The following CACNA1B variants were observed in gnomAD, a reference collection of about 807,000 sequenced individuals.
CACNA1B encodes calcium voltage-gated channel subunit alpha1 B, also known as voltage-dependent N-type calcium channel subunit alpha-1B.
In CACNA1B, 70 loss-of-function variants were observed where a neutral mutation model predicts 247.2. That is an observed-to-expected ratio of 0.28 (90% CI 0.23 to 0.35). CACNA1B has a LOEUF of 0.35. Ranked by LOEUF, CACNA1B falls within the 10% of genes least tolerant of loss-of-function variation. CACNA1B has a pLI of 1.00. For missense variants in CACNA1B, 2,367 were observed against 3,197.4 expected, an observed-to-expected ratio of 0.74 and a Z score of 6.26; for synonymous variants, 1,231 against 1,294.4, an observed-to-expected ratio of 0.95 and a Z score of 1.05.
chr9:137,965,334 C>T (rs938639459), intron 10 of CACNA1B, among the ~76,000 whole-genome samples: 4 of 152,232 alleles, frequency 2.6e-5, no homozygotes, highest in African/African-American at 9.6e-5. Context: ...CCTGCCCTGC[C>T]CCTCCTGTGT....
chr9:138,075,762 C>G (rs560816912), intron 34 of CACNA1B, 57 bp from the exon 35 acceptor site: 1 of 1,164,616 alleles, frequency 8.6e-7, no homozygotes, highest in Non-Finnish European at 1.3e-6. Flanking sequence ...CTCGGTCCAC[C>G]TGGCGCGGCT....
At chr9:137,941,641 T>C (rs1957733048) in intron 6 of CACNA1B, among the ~76,000 whole-genome samples, 1 of 152,144 alleles carries the variant, frequency 6.6e-6, no homozygotes, top group Non-Finnish European at 1.5e-5. Context: ...ATGGTACTGG[T>C]ATAAAAATAG....
At chr9:137,944,179 A>G (rs767252228) in intron 6 of CACNA1B, among the ~76,000 whole-genome samples, 1 of 151,878 alleles carries the variant, frequency 6.6e-6, no homozygotes, top group Non-Finnish European at 1.5e-5. Flanking sequence ...CATGATTGTT[A>G]TACATCATGA....
chr9:137,896,066 T>C (rs986357659), intron 3 of CACNA1B, among the ~76,000 whole-genome samples: 6 of 152,132 alleles, frequency 3.9e-5, no homozygotes, highest in East Asian at 1.9e-4. Context: ...GGTGAAACCC[T>C]GTCTCTACTA....
At chr9:138,074,169 C>G in intron 34 of CACNA1B, 103 bp downstream of exon 34, 1 of 839,392 alleles carries the variant, frequency 1.2e-6, no homozygotes, top group South Asian at 1.3e-5. Flanking sequence ...ATCAGTTGAT[C>G]CTTAGTGAAC....
chr9:138,058,371 G>T lies in CACNA1B; in HGVS notation c.4308+121G>T. 1 of 1,005,190 alleles carries T rather than the reference G, an allele frequency of 9.9e-7. No individual in the cohort carries two copies. The highest frequency in any genetic ancestry group is 2.4e-5 in the East Asian group (1 of 41,836). The allele number at this position is 1,005,190 out of a possible 1,614,324, so 62.3% of individuals were successfully genotyped here. On this transcript the variant is annotated intron_variant, in intron 28 of 46. Coordinates refer to ENST00000371372, the MANE Select transcript of CACNA1B (RefSeq NM_000718.4). The surrounding 1 kb of genome is among the most constrained non-coding windows in gnomAD (Gnocchi z 4.7). ...TTGGCTGCCACCGTCTGCCAACACA[G>T]GGGCAGGTCCTCCTTTCTCCTGCAG...
chr9:138,053,877 A>G lies in CACNA1B; in HGVS notation c.3839A>G (p.Lys1280Arg). The G allele has an allele frequency of 6.2e-7, 1 of 1,613,514 alleles. No individual in the cohort carries two copies. The highest frequency in any genetic ancestry group is 8.5e-7 in the Non-Finnish European group (1 of 1,179,504). The stretch of plus-strand genomic sequence containing the variant: ...TTTGACTGTGTGGTGAACTCCCTGA[A>G]GAATGTCCTCAACATCTTGATTGTC... ...AVFDCVVNSL[K>R]NVLNILIVYM... is the part of the protein sequence containing the mutation. The change falls in exon 26 of 47, where the codon AAG (lysine) becomes AGG (arginine). Residue 1280 changes from lysine (K) to arginine (R), a missense_variant. Lys to Arg is a conservative substitution (Grantham distance 26). This residue lies in a region of CACNA1B where 436 missense variants were observed against 679.5 expected (regional missense o/e 0.64). Coordinates refer to ENST00000371372, the MANE Select transcript of CACNA1B (RefSeq NM_000718.4).
intron 6 of CACNA1B, among the ~76,000 whole-genome samples, chr9:137,935,732 G>A (rs528469562): frequency 4.1e-4 from 63 of 152,146 alleles, no homozygotes; most frequent in Admixed American, 9.2e-4. Context: ...GTGTAAAAGC[G>A]TTCCTATTGC....
chr9:138,096,429 G>T, intron 36 of CACNA1B, 55 bp from the exon 37 acceptor site: 2 of 1,541,146 alleles, frequency 1.3e-6, no homozygotes, highest in South Asian at 1.2e-5. Context: ...GGGGGGCGGC[G>T]GGGAGGGCAG....
Position 138,051,650 on chromosome 9 carries a change from C to T in CACNA1B, c.3711-442C>T, listed in dbSNP as rs1407948548. ...CTGAGGAGATCTGTAGGGCAGAGGC[C>T]AGACAGGTCCCCTTTACCTCCCTCT... On this transcript the variant is annotated intron_variant, in intron 24 of 46. Transcript: ENST00000371372. The surrounding 1 kb of genome is among the most constrained non-coding windows in gnomAD (Gnocchi z 4.3). 3.3e-5 allele frequency among the ~76,000 whole-genome samples: 5 copies of T among 152,014 alleles called. No homozygotes were observed. The South Asian group carries it at 8.3e-4, about 25-fold the overall frequency.
rs1421294485 is a variant in CACNA1B, at chr9:137,913,867, C to T, written c.622+596C>T. 1.3e-5 allele frequency among the ~76,000 whole-genome samples: 2 copies of T among 152,190 alleles called. No homozygotes were observed. Among genetic ancestry groups the T allele is most frequent in the Non-Finnish European group, 2.9e-5 (2 of 68,038 alleles). On this transcript the variant is annotated intron_variant, in intron 4 of 46. Coordinates refer to ENST00000371372, the MANE Select transcript of CACNA1B (RefSeq NM_000718.4). This position sits in a 1 kb window ranked among gnomAD's most constrained non-coding sequence, Gnocchi z 5.2. ...GTGGACATGGAACTAGAGCTGTGTC[C>T]TCCTGAGGCCACTGAGGGAAGACCC...
intron 39 of CACNA1B, among the ~76,000 whole-genome samples, 197 bp downstream of exon 39, chr9:138,106,004 G>T (rs1434042879): frequency 3.3e-5 from 5 of 152,182 alleles, no homozygotes; most frequent in Non-Finnish European, 5.9e-5. Flanking sequence ...CATTAGCACT[G>T]CAATGATCCC....
chr9:138,003,518 A>C (rs1370330867), intron 15 of CACNA1B, among the ~76,000 whole-genome samples: 1 of 152,078 alleles, frequency 6.6e-6, no homozygotes, highest in Non-Finnish European at 1.5e-5. Flanking sequence ...AGAAAACATA[A>C]AGGAATAGAC....
intron 36 of CACNA1B, among the ~76,000 whole-genome samples, chr9:138,091,277 G>A (rs1960869671): frequency 6.6e-6 from 1 of 152,212 alleles, no homozygotes; most frequent in Non-Finnish European, 1.5e-5. Flanking sequence ...AGGTAAATAA[G>A]TCAGGCACAG....
intron 39 of CACNA1B, among the ~76,000 whole-genome samples, chr9:138,109,795 C>T (rs1278286493): frequency 2.6e-5 from 4 of 152,138 alleles, no homozygotes; most frequent in Admixed American, 6.5e-5. Flanking sequence ...CAAGGCCAGG[C>T]GTTGGTGGCT....
intron 20 of CACNA1B, among the ~76,000 whole-genome samples, chr9:138,028,340 A>G (rs1351286455): frequency 6.6e-6 from 1 of 152,142 alleles, no homozygotes; most frequent in East Asian, 1.9e-4. Flanking sequence ...TTTAAATGGT[A>G]AAACATTATA....
In CACNA1B at chr9:138,017,971, C is replaced by T. The variant is rs867169180; in HGVS notation, c.2267+4736C>T. Among the ~76,000 whole-genome samples the T allele has an allele frequency of 2.5e-3, 241 of 98,258 alleles. 4 individuals carry two copies. Among genetic ancestry groups the T allele is most frequent in the African/African-American group, 0.012 (202 of 16,614 alleles). The allele number at this position is 98,258 out of a possible 152,430, so 64.5% of individuals were successfully genotyped here. ...AGGCCACCTGCCCTGATGGAAGTGG[C>T]CAGGTGCAGTTAGGCCACCTGCCCT... On this transcript the variant is annotated intron_variant, in intron 18 of 46. Coordinates refer to ENST00000371372, the MANE Select transcript of CACNA1B (RefSeq NM_000718.4).
At chr9:138,113,274 G>A (rs1025068442) in intron 40 of CACNA1B, among the ~76,000 whole-genome samples, 2 of 148,824 alleles carry the variant, frequency 1.3e-5, no homozygotes, top group African/African-American at 5.0e-5. Flanking sequence ...CCATCTTATG[G>A]GATACATGAG....
At chr9:138,096,425 C>A in intron 36 of CACNA1B, 59 bp from the exon 37 acceptor site, 5 of 1,384,322 alleles carry the variant, frequency 3.6e-6, no homozygotes, top group Non-Finnish European at 5.0e-6. Flanking sequence ...TGGTGGGGGG[C>A]GGCGGGGAGG....
Sources: allele counts gnomAD v4.1 joint callset (sites outside exome capture counted in the v4.1 genomes callset), GRCh38; gene constraint gnomAD v4.1.1; regional missense constraint gnomAD v4.1.1; non-coding constraint Gnocchi (gnomAD v3.1); transcripts MANE v1.5; gene names NCBI Gene and HGNC (gene_info 2026-07-23, HGNC 2026-07-21).